The following PINX1 variants were observed in gnomAD, a reference collection of about 807,000 sequenced individuals.
PINX1 encodes the protein PIN2 (TERF1) interacting telomerase inhibitor 1, also known as PIN2/TERF1-interacting telomerase inhibitor 1.
In PINX1, 34 loss-of-function variants were observed where a neutral mutation model predicts 25.4. The ratio of observed to expected loss-of-function variants is 1.34; its 90% CI spans 1.02 to 1.78. PINX1 has a LOEUF of 1.78. PINX1 is among the 40% of genes most tolerant of loss of function. The pLI is 0.00. For missense variants in PINX1, 592 were observed against 404.9 expected, an observed-to-expected ratio of 1.46 and a Z score of -3.97; for synonymous variants, 197 against 147.7, an observed-to-expected ratio of 1.33 and a Z score of -2.42.
In PINX1 at chr8:10,820,411, T is replaced by G. The variant is rs1354243246; in HGVS notation, c.395-142A>C. 1.2e-5 allele frequency: 8 copies of G among 687,398 alleles called. No homozygotes were observed. The East Asian group carries it at 1.6e-4, about 14-fold the overall frequency. The allele number at this position is 687,398 out of a possible 1,614,324, so 42.6% of individuals were successfully genotyped here. A position where few individuals can be genotyped will look rare whatever the true frequency, so the allele number is the denominator to read the frequency against. Reference sequence around the variant, plus strand: ...TTGAAACTACTGACTTTCTACCCACTTTTTCATTACAACTCTTTCATTAGT... The same window carrying G: ...TTGAAACTACTGACTTTCTACCCACGTTTTCATTACAACTCTTTCATTAGT... On this transcript the variant is annotated intron_variant, in intron 5 of 6. Transcript: ENST00000314787.
chr8:10,819,493 T>C (rs1022466477), intron 6 of PINX1, among the ~76,000 whole-genome samples: 4 of 152,268 alleles, frequency 2.6e-5, no homozygotes, highest in Admixed American at 1.3e-4. Flanking sequence ...TAGCCTGTTA[T>C]CTTTAGAAAT....
At chr8:10,800,855 C>G (rs1802243959) in intron 6 of PINX1, among the ~76,000 whole-genome samples, 2 of 152,198 alleles carry the variant, frequency 1.3e-5, no homozygotes, top group South Asian at 4.1e-4. Flanking sequence ...CCACCTCAGA[C>G]CATACCACTT....
intron 1 of PINX1, 68 bp from the exon 2 acceptor site, chr8:10,834,843 C>A: frequency 9.4e-7 from 1 of 1,060,400 alleles, no homozygotes; most frequent in Non-Finnish European, 1.4e-6. Context: ...CAAACATACA[C>A]ATGCACAACT....
chr8:10,773,832 AG>A (rs1256281712), intron 6 of PINX1, among the ~76,000 whole-genome samples: 1 of 152,202 alleles, frequency 6.6e-6, no homozygotes, highest in Non-Finnish European at 1.5e-5. Flanking sequence ...AAAGAGAAAG[AG>A]GAGCAGGCTT....
chr8:10,803,908 A>G lies in PINX1; in HGVS notation c.471+16285T>C, dbSNP rs117739812. Reference sequence around the variant, plus strand: ...ACTTAATTCTTTCATAGGGCTATCAATTAAGAAGCAAGGAAATCAACCTGC... The same window carrying G: ...ACTTAATTCTTTCATAGGGCTATCAGTTAAGAAGCAAGGAAATCAACCTGC... On this transcript the variant is annotated intron_variant, in intron 6 of 6. Transcript: ENST00000314787. 1.3e-4 allele frequency among the ~76,000 whole-genome samples: 20 copies of G among 152,376 alleles called. No homozygotes were observed. The East Asian group carries it at 2.7e-3, about 21-fold the overall frequency.
chr8:10,820,348 T>C, intron 5 of PINX1, 79 bp from the exon 6 acceptor site: 1 of 971,356 alleles, frequency 1.0e-6, no homozygotes, highest in Non-Finnish European at 1.6e-6. Flanking sequence ...ATGCAGCACC[T>C]CAAAGGAAAA....
At chr8:10,799,655 C>G (rs1802202977) in intron 6 of PINX1, among the ~76,000 whole-genome samples, 1 of 152,226 alleles carries the variant, frequency 6.6e-6, no homozygotes, top group South Asian at 2.1e-4. Flanking sequence ...TCTAATCCCA[C>G]TTACTGTCCC....
Position 10,791,555 on chromosome 8 carries a change from T to C in PINX1, c.472-25639A>G, listed in dbSNP as rs563523175. 2.0e-5 allele frequency among the ~76,000 whole-genome samples: 3 copies of C among 152,326 alleles called. No homozygotes were observed. The South Asian group carries it at 6.2e-4, about 32-fold the overall frequency. ...TCCAACTGAGAATAAAGGGGACTGT[T>C]GAAACCTGCTTGTGAAGCTACAATT... is the stretch of plus-strand genomic sequence containing the variant. On this transcript the variant is annotated intron_variant, in intron 6 of 6. Coordinates refer to ENST00000314787, the MANE Select transcript of PINX1 (RefSeq NM_017884.6).
intron 6 of PINX1, among the ~76,000 whole-genome samples, chr8:10,810,523 G>A (rs1241608962): frequency 6.6e-5 from 10 of 152,156 alleles, no homozygotes; most frequent in African/African-American, 2.2e-4. Context: ...TATTTCAACA[G>A]ATGAATTCAA....
At chr8:10,808,707 C>T (rs1006669988) in intron 6 of PINX1, among the ~76,000 whole-genome samples, 1 of 152,142 alleles carries the variant, frequency 6.6e-6, no homozygotes. Flanking sequence ...GGAAGGAAGC[C>T]AGGAAAAGAT....
At chr8:10,788,475 G>C (rs1801821271) in intron 6 of PINX1, among the ~76,000 whole-genome samples, 1 of 152,034 alleles carries the variant, frequency 6.6e-6, no homozygotes, top group South Asian at 2.1e-4. Flanking sequence ...TGAGGCAAGA[G>C]AATCGCTTGA....
chr8:10,799,969 C>T (rs965667452), intron 6 of PINX1, among the ~76,000 whole-genome samples: 1 of 152,230 alleles, frequency 6.6e-6, no homozygotes, highest in Non-Finnish European at 1.5e-5. Flanking sequence ...AGGTTAAATT[C>T]CTGCCAAAGG....
At chr8:10,828,709 C>T (rs1159780041) in intron 4 of PINX1, among the ~76,000 whole-genome samples, 4 of 152,178 alleles carry the variant, frequency 2.6e-5, no homozygotes, top group African/African-American at 9.7e-5. Flanking sequence ...TGTTCACGTG[C>T]ACTCATGCCT....
intron 4 of PINX1, among the ~76,000 whole-genome samples, chr8:10,829,711 G>C (rs770095447): frequency 7.3e-5 from 11 of 150,874 alleles, no homozygotes; most frequent in Middle Eastern, 3.2e-3. Flanking sequence ...TGGAGATGGA[G>C]TTTCACTCTT....
intron 6 of PINX1, among the ~76,000 whole-genome samples, chr8:10,778,187 C>G (rs564683315): frequency 1.3e-5 from 2 of 152,172 alleles, no homozygotes; most frequent in Admixed American, 6.5e-5. Context: ...GAAATTTTAA[C>G]TTAGTTATGG....
chr8:10,770,193 A>T (rs1402880212), intron 6 of PINX1, among the ~76,000 whole-genome samples: 1 of 152,230 alleles, frequency 6.6e-6, no homozygotes, highest in African/African-American at 2.4e-5. Context: ...CCACCTGGAC[A>T]CTGCCAATAT....
At position 10,839,844 on chromosome 8, in the gene PINX1, C is replaced by T; in HGVS notation, c.-88G>A. 1.5e-6 allele frequency: 2 copies of T among 1,302,564 alleles called. No homozygotes were observed. The highest frequency in any genetic ancestry group is 2.6e-5 in the East Asian group (1 of 38,018). The allele number at this position is 1,302,564 out of a possible 1,614,324, so 80.7% of individuals were successfully genotyped here. On this transcript the variant is annotated 5_prime_UTR_variant, in exon 1 of 7. Transcript: ENST00000314787. Reference sequence around the variant, plus strand: ...GAGACTCCAGGAGAATCAGGACGTGCGTAACTCCCTCGCCGGCGGACTGCA... The same window carrying T: ...GAGACTCCAGGAGAATCAGGACGTGTGTAACTCCCTCGCCGGCGGACTGCA...
At chr8:10,776,513 C>T (rs548056936) in intron 6 of PINX1, among the ~76,000 whole-genome samples, 2 of 152,232 alleles carry the variant, frequency 1.3e-5, no homozygotes, top group South Asian at 4.1e-4. Flanking sequence ...TAATTCTTAA[C>T]ACTGTCATTA....
chr8:10,791,554 T>C (rs1051310919), intron 6 of PINX1, among the ~76,000 whole-genome samples: 8 of 152,204 alleles, frequency 5.3e-5, no homozygotes, highest in Non-Finnish European at 1.0e-4. Flanking sequence ...AAGGGGACTG[T>C]TGAAACCTGC....
Sources: gnomAD v4.1 joint callset for allele counts (sites outside exome capture counted in the v4.1 genomes callset) on GRCh38, gnomAD v4.1.1 for gene constraint, MANE v1.5 for transcripts, NCBI Gene and HGNC (gene_info 2026-07-23, HGNC 2026-07-21) for gene names.